The following CMSS1 variants were observed in gnomAD, a reference collection of about 807,000 sequenced individuals.
CMSS1 encodes the protein protein CMSS1.
In CMSS1, 33 loss-of-function variants were observed where a neutral mutation model predicts 43.5. The ratio of observed to expected loss-of-function variants is 0.76; its 90% CI spans 0.57 to 1.01. The LOEUF is 1.01. CMSS1 is among the 50% of genes least tolerant of loss of function. CMSS1 has a pLI of 0.00. For missense variants in CMSS1, 313 were observed against 326.4 expected (o/e 0.96, Z 0.32); for synonymous variants, 115 against 117.2 (o/e 0.98, Z 0.12).
intron 1 of CMSS1, among the ~76,000 whole-genome samples, chr3:99,887,575 G>A (rs555688485): frequency 2.0e-5 from 3 of 152,204 alleles, no homozygotes; most frequent in Non-Finnish European, 2.9e-5. Context: ...AGACAGTCGG[G>A]TGCCATCAGC....
intron 4 of CMSS1, among the ~76,000 whole-genome samples, chr3:100,163,409 T>C (rs1244700075): frequency 6.6e-6 from 1 of 152,226 alleles, no homozygotes; most frequent in African/African-American, 2.4e-5. Context: ...ATTCTGTATG[T>C]TTTGCGAGGC....
intron 1 of CMSS1, among the ~76,000 whole-genome samples, chr3:100,045,492 G>A (rs546243752): frequency 1.3e-4 from 19 of 150,862 alleles, no homozygotes; most frequent in Non-Finnish European, 2.4e-4. Context: ...TTTTTTTTTT[G>A]TAATTTTTAA....
chr3:100,057,690 C>A (rs1184298689), intron 1 of CMSS1, among the ~76,000 whole-genome samples: 1 of 152,114 alleles, frequency 6.6e-6, no homozygotes, highest in South Asian at 2.1e-4. Context: ...GCAGAGAAGC[C>A]CCCTGCTTGC....
intron 1 of CMSS1, among the ~76,000 whole-genome samples, chr3:100,066,775 C>T (rs1210097960): frequency 2.1e-5 from 2 of 94,614 alleles, no homozygotes; most frequent in Non-Finnish European, 4.9e-5. Flanking sequence ...TCGTGATCCG[C>T]CCGCCTCGGC....
intron 1 of CMSS1, among the ~76,000 whole-genome samples, chr3:100,121,611 T>C (rs961894661): frequency 2.6e-5 from 4 of 152,204 alleles, no homozygotes; most frequent in African/African-American, 9.7e-5. Flanking sequence ...GTGTATGTCT[T>C]TATCATAGAA....
At chr3:100,178,142 A>T (rs1486723812) in intron 9 of CMSS1, among the ~76,000 whole-genome samples, 163 bp from the exon 10 acceptor site, 3 of 152,156 alleles carry the variant, frequency 2.0e-5, no homozygotes, top group Non-Finnish European at 4.4e-5. Context: ...TAATAATTTT[A>T]AAAATTTCAA....
chr3:99,855,760 A>G (rs1027009070), intron 1 of CMSS1, among the ~76,000 whole-genome samples: 2 of 152,224 alleles, frequency 1.3e-5, no homozygotes, highest in African/African-American at 2.4e-5. Context: ...TATATCTGCC[A>G]AAAGAATGTT....
intron 2 of CMSS1, among the ~76,000 whole-genome samples, chr3:100,150,053 A>G (rs1038784370): frequency 2.0e-5 from 3 of 150,838 alleles, no homozygotes; most frequent in Admixed American, 2.0e-4. Flanking sequence ...AGTCCCTCCA[A>G]CTCCCCTGTG....
chr3:99,925,810 G>A (rs1487156128), intron 1 of CMSS1: 1 of 982,656 alleles, frequency 1.0e-6, no homozygotes, highest in African/African-American at 1.7e-5. Flanking sequence ...ACATGCCAGT[G>A]GCCAAAAGCA....
intron 1 of CMSS1, among the ~76,000 whole-genome samples, chr3:99,831,798 A>T (rs944641734): frequency 4.6e-5 from 7 of 152,242 alleles, no homozygotes; most frequent in African/African-American, 1.7e-4. Context: ...CACATTTTTA[A>T]TAAACTCTCA....
At chr3:99,983,428 GTA>G (rs1553702729) in intron 1 of CMSS1, among the ~76,000 whole-genome samples, 1 of 47,152 alleles carries the variant, frequency 2.1e-5, no homozygotes, top group African/African-American at 1.0e-4. Flanking sequence ...ATGTATGTAT[GTA>G]TGTATATATA....
intron 1 of CMSS1, among the ~76,000 whole-genome samples, chr3:99,871,730 G>A (rs1944797091): frequency 6.6e-6 from 1 of 152,184 alleles, no homozygotes; most frequent in Non-Finnish European, 1.5e-5. Context: ...AAGGTCATTT[G>A]TCAAGTTAGT....
chr3:99,972,614 C>T (rs531546440), intron 1 of CMSS1, among the ~76,000 whole-genome samples: 4 of 152,238 alleles, frequency 2.6e-5, no homozygotes, highest in East Asian at 3.9e-4. Context: ...CATGGGCTGT[C>T]GCGAGAGCTT....
At chr3:100,166,605 T>C (rs2067067973) in intron 5 of CMSS1, among the ~76,000 whole-genome samples, 1 of 152,222 alleles carries the variant, frequency 6.6e-6, no homozygotes, top group Non-Finnish European at 1.5e-5. Context: ...CTTAATTTCC[T>C]ATCTGAAAAA....
intron 1 of CMSS1, among the ~76,000 whole-genome samples, chr3:99,966,616 A>G (rs1175792141): frequency 6.6e-6 from 1 of 152,220 alleles, no homozygotes. Context: ...TTCGCTCTGT[A>G]TATACAGTTT....
At chr3:99,848,048 G>A (rs1943446836) in intron 1 of CMSS1, 11 of 1,262,434 alleles carry the variant, frequency 8.7e-6, no homozygotes, top group East Asian at 3.1e-5. Flanking sequence ...TACAAGTGCA[G>A]ACTAAATATT....
chr3:100,068,600 A>T (rs2065707584), intron 1 of CMSS1, among the ~76,000 whole-genome samples: 1 of 152,190 alleles, frequency 6.6e-6, no homozygotes, highest in Non-Finnish European at 1.5e-5. Flanking sequence ...CTTTTCTAAA[A>T]CATGAAAAAT....
In CMSS1 at chr3:99,846,156, C is replaced by T. The variant is rs145919607; in HGVS notation, c.64+28113C>T. Among the ~76,000 whole-genome samples the T allele has an allele frequency of 3.2e-3, 480 of 152,288 alleles. 4 individuals are homozygous for T. Among genetic ancestry groups the T allele is most frequent in the African/African-American group, 0.011 (452 of 41,548 alleles). ...CAAGAATGGATTTCTTCCCTCCCCC[C>T]GTCCCCCACCAGCACTTGGGACAGC... On this transcript the variant is annotated intron_variant, in intron 1 of 9. Transcript: ENST00000421999.
intron 1 of CMSS1, among the ~76,000 whole-genome samples, chr3:99,829,866 A>C (rs936139740): frequency 6.6e-6 from 1 of 152,174 alleles, no homozygotes; most frequent in Non-Finnish European, 1.5e-5. Flanking sequence ...CACTTTTGTT[A>C]TGCTTTTCCT....
Sources: gnomAD v4.1 joint callset for allele counts (sites outside exome capture counted in the v4.1 genomes callset) on GRCh38, gnomAD v4.1.1 for gene constraint, MANE v1.5 for transcripts, NCBI Gene and HGNC (gene_info 2026-07-23, HGNC 2026-07-21) for gene names.